The following KCNK2 variants were observed in gnomAD, a reference collection of about 807,000 sequenced individuals.
KCNK2 encodes the protein potassium channel subfamily K member 2.
A neutral mutation model predicts 40.5 loss-of-function variants in KCNK2; 21 were observed. The observed-to-expected ratio is 0.52, with a 90% CI of 0.37 to 0.75. The LOEUF (loss-of-function observed/expected upper bound fraction) is 0.75, where lower values mean the gene tolerates loss of function less well. KCNK2 is among the 30% of genes least tolerant of loss of function. The pLI is 0.00. For synonymous variants in KCNK2, 191 were observed against 202.2 expected, an observed-to-expected ratio of 0.94 and a Z score of 0.47; for missense variants, 399 against 531.6, an observed-to-expected ratio of 0.75 and a Z score of 2.45.
chr1:215,067,499 G>C (rs1458291379), intron 1 of KCNK2, among the ~76,000 whole-genome samples: 1 of 152,088 alleles, frequency 6.6e-6, no homozygotes. Context: ...CATATGTAAT[G>C]GCTTCTAAAT....
chr1:215,110,485 T>TG (rs111871041), intron 2 of KCNK2, among the ~76,000 whole-genome samples: 3,066 of 152,192 alleles, frequency 0.02, 112 homozygotes, highest in African/African-American at 0.07. Context: ...TTCCTCATTA[T>TG]GCAATCTTGA....
intron 1 of KCNK2, among the ~76,000 whole-genome samples, chr1:215,037,819 G>GT (rs1383647994): frequency 2.6e-5 from 4 of 151,844 alleles, no homozygotes; most frequent in East Asian, 1.9e-4. Context: ...GACTGGCATT[G>GT]TTTTTTCTGA....
chr1:215,056,533 G>GAGA (rs1658173838), intron 1 of KCNK2, among the ~76,000 whole-genome samples: 1 of 143,924 alleles, frequency 6.9e-6, no homozygotes, highest in Non-Finnish European at 1.5e-5. Flanking sequence ...GAAGAAGAAG[G>GAGA]AGAGAAATGA....
At chr1:215,187,769 G>A (rs1304827742) in intron 5 of KCNK2, among the ~76,000 whole-genome samples, 4 of 150,648 alleles carry the variant, frequency 2.7e-5, no homozygotes, top group Non-Finnish European at 4.4e-5. Flanking sequence ...AGAATTACAG[G>A]AATTCGAGGT....
intron 1 of KCNK2, among the ~76,000 whole-genome samples, chr1:215,013,431 C>T (rs1322213816): frequency 6.6e-6 from 1 of 152,082 alleles, no homozygotes; most frequent in Non-Finnish European, 1.5e-5. Context: ...ATTTATCTTT[C>T]CACACAAATT....
intron 2 of KCNK2, among the ~76,000 whole-genome samples, chr1:215,108,864 A>T (rs1571622136): frequency 6.6e-6 from 1 of 151,984 alleles, no homozygotes; most frequent in East Asian, 1.9e-4. Context: ...GGAGGGAGAG[A>T]TGAAGAAATA....
chr1:215,083,128 TC>T lies in KCNK2; in HGVS notation c.-256del, dbSNP rs1659245478. On this transcript the variant is annotated 5_prime_UTR_variant, in exon 1 of 7. Coordinates refer to ENST00000444842, the MANE Select transcript of KCNK2 (RefSeq NM_001017425.3). ...GGCGGCGCCCAAGCCCAACTTGGCC[TC>T]CGCCTCGCCCTCTGCCCAGCCCGCC... 14 of 670,556 alleles carry T rather than the reference TC, an allele frequency of 2.1e-5. No homozygotes were observed. The South Asian group carries it at 2.9e-4, about 14-fold the overall frequency. The allele number at this position is 670,556 out of a possible 1,614,324, so 41.5% of individuals were successfully genotyped here.
Position 215,054,568 on chromosome 1 carries a change from G to A in KCNK2, c.35-31800G>A, listed in dbSNP as rs374725844. Among the ~76,000 whole-genome samples the A allele has an allele frequency of 5.9e-4, 90 of 152,260 alleles. 1 individual carries two copies. Among genetic ancestry groups the A allele is most frequent in the African/African-American group, 2.1e-3 (89 of 41,548 alleles). ...ACTGCACACCCACCGCTGTTCTACC[G>A]AGCTTTGCTGGGGACAGGAAAGCAC... On this transcript the variant is annotated intron_variant, in intron 1 of 6. Coordinates refer to the KCNK2 transcript ENST00000391895.
chr1:215,212,319 G>A (rs1665776907), intron 6 of KCNK2, among the ~76,000 whole-genome samples: 1 of 152,022 alleles, frequency 6.6e-6, no homozygotes, highest in Admixed American at 6.6e-5. Context: ...CCTTATAACA[G>A]TTGATTCTAT....
chr1:215,119,997 A>G (rs1661110969), intron 2 of KCNK2, among the ~76,000 whole-genome samples: 1 of 152,084 alleles, frequency 6.6e-6, no homozygotes, highest in Non-Finnish European at 1.5e-5. Flanking sequence ...AAAATACAAA[A>G]TAGACTTACA....
intron 2 of KCNK2, among the ~76,000 whole-genome samples, chr1:215,112,161 G>A (rs1571625852): frequency 6.6e-6 from 1 of 152,082 alleles, no homozygotes; most frequent in African/African-American, 2.4e-5. Flanking sequence ...CCCTCAAGAA[G>A]CCTTTTGGAA....
rs943365913 is a variant in KCNK2, at chr1:215,073,011, A to G, written c.35-13357A>G. ...GGTCATTAGGATAGACCTTAATCCAATATGAATGGTGTCCTTTAAAAAGGG... is the reference window on the plus strand; with the variant it reads ...GGTCATTAGGATAGACCTTAATCCAGTATGAATGGTGTCCTTTAAAAAGGG... On this transcript the variant is annotated intron_variant, in intron 1 of 6. Coordinates refer to the KCNK2 transcript ENST00000391895. 3.3e-5 allele frequency among the ~76,000 whole-genome samples: 5 copies of G among 152,200 alleles called. No individual in the cohort carries two copies. The East Asian group carries it at 5.8e-4, about 18-fold the overall frequency.
chr1:215,203,155 G>T (rs1405193895), intron 6 of KCNK2, among the ~76,000 whole-genome samples: 1 of 151,982 alleles, frequency 6.6e-6, no homozygotes, highest in African/African-American at 2.4e-5. Context: ...ATTTAATTTG[G>T]TTACTAATTA....
upstream of KCNK2, among the ~76,000 whole-genome samples, chr1:215,080,888 G>A (rs1210258133): frequency 1.3e-5 from 2 of 152,296 alleles, no homozygotes; most frequent in South Asian, 2.1e-4. Flanking sequence ...AAGTGTTGCT[G>A]TGAAGGTGTT....
At chr1:215,230,291 A>C (rs1358012960) in intron 6 of KCNK2, among the ~76,000 whole-genome samples, 2 of 150,518 alleles carry the variant, frequency 1.3e-5, no homozygotes, top group Non-Finnish European at 3.0e-5. Context: ...CCTAGGCTAC[A>C]AATCTTTACG....
intron 1 of KCNK2, among the ~76,000 whole-genome samples, chr1:215,040,987 C>G (rs535932396): frequency 5.3e-5 from 8 of 152,264 alleles, no homozygotes; most frequent in African/African-American, 1.9e-4. Flanking sequence ...AGCATGAGAC[C>G]TCAGACTCAA....
chr1:215,220,961 A>G (rs1440965386), intron 6 of KCNK2, among the ~76,000 whole-genome samples: 2 of 152,216 alleles, frequency 1.3e-5, no homozygotes, highest in East Asian at 3.9e-4. Context: ...TGGTACTTGT[A>G]GAGTTTCCAC....
At chr1:215,199,125 T>C (rs1664982011) in intron 6 of KCNK2, among the ~76,000 whole-genome samples, 1 of 151,826 alleles carries the variant, frequency 6.6e-6, no homozygotes, top group Non-Finnish European at 1.5e-5. Flanking sequence ...CTGGCAAATA[T>C]GGTGAAACCC....
At chr1:215,118,566 C>A (rs911662028) in intron 2 of KCNK2, among the ~76,000 whole-genome samples, 22 of 120,328 alleles carry the variant, frequency 1.8e-4, no homozygotes, top group Non-Finnish European at 2.1e-5. Flanking sequence ...GAAATGGTCG[C>A]AAATAAAAAT....
Sources: gnomAD v4.1 joint callset for allele counts (sites outside exome capture counted in the v4.1 genomes callset) on GRCh38, gnomAD v4.1.1 for gene constraint, MANE v1.5 for transcripts, NCBI Gene and HGNC (gene_info 2026-07-23, HGNC 2026-07-21) for gene names.